GRIK3: variants seen among roughly 807,000 people sequenced by gnomAD.
GRIK3 encodes glutamate receptor ionotropic, kainate 3.
A neutral mutation model predicts 102.5 loss-of-function variants in GRIK3; 29 were observed. The ratio of observed to expected loss-of-function variants is 0.28; its 90% CI spans 0.21 to 0.39. The LOEUF (loss-of-function observed/expected upper bound fraction) is 0.39. GRIK3 is among the 10% of genes least tolerant of loss of function. The pLI, the probability that GRIK3 is intolerant of heterozygous loss-of-function variation, is 1.00. For missense variants in GRIK3, 908 were observed against 1,252.4 expected (o/e 0.73, Z 4.15); for synonymous variants, 511 against 504.9 (o/e 1.01, Z -0.16).
intron 1 of GRIK3, among the ~76,000 whole-genome samples, chr1:36,998,934 G>A (rs1040997462): frequency 1.3e-5 from 2 of 152,038 alleles, no homozygotes; most frequent in African/African-American, 2.4e-5. Context: ...GCTCCCATAA[G>A]AGCCTCTCTA....
chr1:37,018,753 G>A (rs1642679472), intron 1 of GRIK3, among the ~76,000 whole-genome samples: 1 of 151,998 alleles, frequency 6.6e-6, no homozygotes, highest in Non-Finnish European at 1.5e-5. Context: ...GGAGATTGAT[G>A]CCTGCATTGA....
chr1:36,881,249 T>C (rs1640973695), intron 2 of GRIK3, among the ~76,000 whole-genome samples: 1 of 152,144 alleles, frequency 6.6e-6, no homozygotes, highest in Non-Finnish European at 1.5e-5. Flanking sequence ...CTTGGGGGAC[T>C]TGAGAAACAA....
At chr1:36,946,144 G>A (rs1261911433) in intron 1 of GRIK3, among the ~76,000 whole-genome samples, 2 of 150,230 alleles carry the variant, frequency 1.3e-5, no homozygotes, top group East Asian at 3.9e-4. Context: ...CTCCATTAAA[G>A]TTGAGGCCCA....
chr1:37,021,428 A>G (rs1442360905), intron 1 of GRIK3, among the ~76,000 whole-genome samples: 1 of 152,136 alleles, frequency 6.6e-6, no homozygotes, highest in African/African-American at 2.4e-5. Context: ...TCAAGTGCTG[A>G]AAGATTTCCT....
intron 1 of GRIK3, among the ~76,000 whole-genome samples, chr1:36,959,511 G>A (rs72670031): frequency 2.0e-5 from 2 of 102,310 alleles, no homozygotes; most frequent in Non-Finnish European, 4.2e-5. Context: ...CCCTGTGACT[G>A]TGTGCCCTGT....
intron 8 of GRIK3, among the ~76,000 whole-genome samples, chr1:36,852,216 C>T (rs764577134): frequency 6.6e-6 from 1 of 152,316 alleles, no homozygotes; most frequent in South Asian, 2.1e-4. Flanking sequence ...AATAGGGAGG[C>T]TTCCCCAGCC....
intron 13 of GRIK3, among the ~76,000 whole-genome samples, chr1:36,811,135 A>C (rs483449): frequency 0.015 from 2,340 of 152,330 alleles, 56 homozygotes; most frequent in African/African-American, 0.054. Context: ...AAGGTGTGTG[A>C]AGCGTTTAAC....
chr1:36,843,903 G>A (rs906915557), intron 9 of GRIK3, among the ~76,000 whole-genome samples: 2 of 152,374 alleles, frequency 1.3e-5, no homozygotes, highest in Non-Finnish European at 2.9e-5. Context: ...GCTTAACTAT[G>A]GAGGTGCCTC....
chr1:36,818,445 A>AGGGGCTCT (rs1642654731), intron 12 of GRIK3, among the ~76,000 whole-genome samples: 1 of 152,198 alleles, frequency 6.6e-6, no homozygotes, highest in Non-Finnish European at 1.5e-5. Flanking sequence ...CCCCTCCCCA[A>AGGGGCTCT]CTGGCCACTC....
Position 36,825,596 on chromosome 1 carries a change from G to A in GRIK3, c.1754+7C>T. 6.4e-7 allele frequency: 1 copy of A among 1,552,918 alleles called. No homozygotes were observed. Among genetic ancestry groups the A allele is most frequent in the Non-Finnish European group, 8.7e-7 (1 of 1,146,608 alleles). ...GGGCCCGATGTCTGGCCAAGGAATTGCCTTACCTGGCGATGACGAAGAGGA... is the reference window on the plus strand; with the variant it reads ...GGGCCCGATGTCTGGCCAAGGAATTACCTTACCTGGCGATGACGAAGAGGA... On this transcript the variant is annotated splice_region_variant and intron_variant, in intron 11 of 15. Transcript: ENST00000373091.
chr1:36,911,003 G>C (rs1641339839), intron 1 of GRIK3, among the ~76,000 whole-genome samples: 3 of 152,136 alleles, frequency 2.0e-5, no homozygotes, highest in African/African-American at 4.8e-5. Context: ...CGTCTTCATG[G>C]GGGAGGCAGC....
At chr1:36,907,702 C>A (rs1641299133) in intron 1 of GRIK3, among the ~76,000 whole-genome samples, 1 of 152,014 alleles carries the variant, frequency 6.6e-6, no homozygotes, top group African/African-American at 2.4e-5. Flanking sequence ...CCCTCCACCC[C>A]CAAACTCAGT....
At chr1:36,935,205 G>A (rs377049243) in intron 1 of GRIK3, among the ~76,000 whole-genome samples, 2 of 151,654 alleles carry the variant, frequency 1.3e-5, no homozygotes, top group Non-Finnish European at 2.9e-5. Context: ...CACCCAGCAC[G>A]GTGCCTGACA....
At chr1:36,975,308 T>TTTTTTTTTTTTTTTTGTG (rs1642184477) in intron 1 of GRIK3, among the ~76,000 whole-genome samples, 1 of 149,230 alleles carries the variant, frequency 6.7e-6, no homozygotes. Flanking sequence ...TTTTTTTTTT[T>TTTTTTTTTTTTTTTTGTG]GAGAGGGAGT....
chr1:37,020,533 A>G lies in GRIK3; in HGVS notation c.115+13461T>C, dbSNP rs925576811. 9.9e-5 allele frequency among the ~76,000 whole-genome samples: 15 copies of G among 152,284 alleles called. No individual in the cohort carries two copies. In the East Asian group the frequency reaches 2.7e-3, roughly 27 times the overall value. ...ACCAAGATGCTTGGTATCAGGTGTG[A>G]CATTTGACAATGGAATGCTCACTCG... On this transcript the variant is annotated intron_variant, in intron 1 of 15. Transcript: ENST00000373091.
chr1:36,880,801 A>G lies in GRIK3; in HGVS notation c.383T>C (p.Leu128Pro), dbSNP rs1490771818. ...ACGCAGCTGGATGTGGGGCACCTCCAGGGCATTGCAGATGGACTGGACGGC... is the reference window on the plus strand; with the variant it reads ...ACGCAGCTGGATGTGGGGCACCTCCGGGGCATTGCAGATGGACTGGACGGC... ...TNAVQSICNA[L>P]EVPHIQLRWK... is the part of the protein sequence containing the mutation. The change falls in exon 3 of 16, where the codon CTG becomes CCG. Residue 128 changes from leucine (L) to proline (P), a missense_variant. Coordinates refer to ENST00000373091, the MANE Select transcript of GRIK3 (RefSeq NM_000831.4). This position sits in a 1 kb window ranked among gnomAD's most constrained non-coding sequence, Gnocchi z 5.4. 1 of 1,614,056 alleles carries G rather than the reference A, an allele frequency of 6.2e-7. No individual in the cohort carries two copies. The highest frequency in any genetic ancestry group is 8.5e-7 in the Non-Finnish European group (1 of 1,180,014).
intron 1 of GRIK3, among the ~76,000 whole-genome samples, chr1:36,931,383 C>G (rs932754201): frequency 2.6e-4 from 40 of 152,174 alleles, no homozygotes; most frequent in Non-Finnish European, 2.2e-4. Context: ...CCTCAAAGAG[C>G]CTTCTCTGAT....
chr1:36,901,477 C>CA (rs1641231461), intron 1 of GRIK3, among the ~76,000 whole-genome samples: 1 of 152,224 alleles, frequency 6.6e-6, no homozygotes, highest in Non-Finnish European at 1.5e-5. Flanking sequence ...ATGCATTTGA[C>CA]AAAATCCAAC....
At chr1:36,924,610 C>G (rs1345420390) in intron 1 of GRIK3, among the ~76,000 whole-genome samples, 2 of 152,084 alleles carry the variant, frequency 1.3e-5, no homozygotes, top group Non-Finnish European at 2.9e-5. Context: ...TGCCTCCCAG[C>G]CTGTGAGGAG....
Sources: allele counts gnomAD v4.1 joint callset (sites outside exome capture counted in the v4.1 genomes callset), GRCh38; gene constraint gnomAD v4.1.1; non-coding constraint Gnocchi (gnomAD v3.1); transcripts MANE v1.5; gene names NCBI Gene and HGNC (gene_info 2026-07-23, HGNC 2026-07-21).